LNX1: variants seen among roughly 807,000 people sequenced by gnomAD.
The protein encoded by LNX1 is E3 ubiquitin-protein ligase LNX.
A neutral mutation model predicts 68.4 loss-of-function variants in LNX1; 54 were observed. That is an observed-to-expected ratio of 0.79 (90% CI 0.63 to 0.99). The LOEUF (loss-of-function observed/expected upper bound fraction) is 0.99. LNX1 is among the 50% of genes least tolerant of loss of function. The pLI, the probability that LNX1 is intolerant of heterozygous loss-of-function variation, is 0.00. For synonymous variants in LNX1, 336 were observed against 350.0 expected, an observed-to-expected ratio of 0.96 and a Z score of 0.45; for missense variants, 906 against 926.4, an observed-to-expected ratio of 0.98 and a Z score of 0.29.
chr4:53,555,504 C>G (rs916895522), intron 2 of LNX1, among the ~76,000 whole-genome samples: 3 of 152,188 alleles, frequency 2.0e-5, no homozygotes, highest in African/African-American at 7.2e-5. Context: ...TTATTTCCAT[C>G]TGCCTTGAAT....
intron 1 of LNX1, among the ~76,000 whole-genome samples, chr4:53,583,914 A>C (rs560479637): frequency 1.3e-5 from 2 of 149,862 alleles, no homozygotes; most frequent in African/African-American, 2.5e-5. Context: ...ACATGATGAA[A>C]TAGAACTGAC....
intron 2 of LNX1, chr4:53,557,847 A>T (rs1385661288): frequency 5.0e-6 from 8 of 1,612,636 alleles, no homozygotes; most frequent in Non-Finnish European, 1.7e-6. Flanking sequence ...ACATAAACAC[A>T]CAGGCACGGA....
chr4:53,598,140 C>T (rs1732838349), intron 2 of LNX1, among the ~76,000 whole-genome samples: 1 of 152,170 alleles, frequency 6.6e-6, no homozygotes, highest in African/African-American at 2.4e-5. Context: ...GATACCATCT[C>T]CTTTATAGGA....
chr4:53,629,393 GACTTGCAGTGCTAAGAGCTC>G (rs1364106331), intron 1 of LNX1, among the ~76,000 whole-genome samples: 1 of 152,108 alleles, frequency 6.6e-6, no homozygotes, highest in Non-Finnish European at 1.5e-5. Flanking sequence ...CAAAGAGGCA[GACTTGCAGTGCTAAGAGCTC>G]ACCCTGGATC....
intron 2 of LNX1, among the ~76,000 whole-genome samples, chr4:53,600,783 T>C (rs1337187714): frequency 6.6e-6 from 1 of 151,112 alleles, no homozygotes; most frequent in Non-Finnish European, 1.5e-5. Flanking sequence ...AAGGCTGGAG[T>C]GCAGTGGTGC....
At chr4:53,466,156 G>GA (rs11285844) in intron 9 of LNX1, among the ~76,000 whole-genome samples, 2 of 151,556 alleles carry the variant, frequency 1.3e-5, no homozygotes, top group African/African-American at 4.9e-5. Context: ...TTTGTTTTAA[G>GA]AAAAAAAAAA....
upstream of LNX1, among the ~76,000 whole-genome samples, chr4:53,621,279 C>T (rs531583238): frequency 2.1e-4 from 32 of 152,286 alleles, no homozygotes; most frequent in African/African-American, 7.7e-4. Flanking sequence ...CTGTGCAGTG[C>T]CCTCTGCCTG....
At chr4:53,539,657 A>C (rs10212730) in intron 2 of LNX1, among the ~76,000 whole-genome samples, 69,611 of 152,186 alleles carry the variant, frequency 0.46, 17,457 homozygotes, top group Non-Finnish European at 0.56. Flanking sequence ...CAGTTGCAGA[A>C]AATGTTTTTG....
In LNX1 at chr4:53,476,632, C is replaced by A. The variant is rs1473046494; in HGVS notation, c.1892+121G>T. 7.1e-6 allele frequency: 6 copies of A among 844,388 alleles called. No individual in the cohort carries two copies. In the East Asian group the frequency reaches 1.5e-4, roughly 22 times the overall value. 52.3% of individuals were successfully genotyped at this position (844,388 alleles called of 1,614,324 possible). On this transcript the variant is annotated intron_variant, in intron 9 of 10. Transcript: ENST00000263925. Reference sequence around the variant, plus strand: ...AGAGAATTATTTCACAGTCCCACAACCAAGACTGGGTCTAATTAAGATGCT... The same window carrying A: ...AGAGAATTATTTCACAGTCCCACAAACAAGACTGGGTCTAATTAAGATGCT...
chr4:53,525,823 G>A (rs1170454978), intron 2 of LNX1, among the ~76,000 whole-genome samples: 3 of 152,204 alleles, frequency 2.0e-5, no homozygotes, highest in Non-Finnish European at 4.4e-5. Context: ...GGAAAGGGCT[G>A]TGTTGGGGTT....
At position 53,491,471 on chromosome 4, in the gene LNX1, G is replaced by C. The variant is rs116797242; in HGVS notation, c.1350+4552C>G. Among the ~76,000 whole-genome samples, 813 of 152,228 alleles carry C rather than the reference G, an allele frequency of 5.3e-3. 5 individuals are homozygous for C. The highest frequency in any genetic ancestry group is 0.019 in the African/African-American group (787 of 41,530). On this transcript the variant is annotated intron_variant, in intron 6 of 10. Transcript: ENST00000263925. The stretch of plus-strand genomic sequence containing the variant: ...AGGAATACATTCCAAGCTCTACCAG[G>C]CCAGGAACTGTACCAACCTAGTTCA...
At position 53,643,445 on chromosome 4, in the gene LNX1, G is replaced by A. The variant is rs79475771; in HGVS notation, c.-215+8723C>T. On this transcript the variant is annotated intron_variant, in intron 1 of 2. Coordinates refer to the LNX1 transcript ENST00000507168. ...GATTACAGGGCTGAGACACCATCCC[G>A]GTCAAGAAACCTTGGTCTTTATGAT... Among the ~76,000 whole-genome samples, 1,051 of 151,982 alleles carry A rather than the reference G, an allele frequency of 6.9e-3. 13 individuals are homozygous for A. The highest frequency in any genetic ancestry group is 0.024 in the African/African-American group (1,000 of 41,454).
intron 1 of LNX1, among the ~76,000 whole-genome samples, chr4:53,574,319 C>T (rs1311971534): frequency 6.6e-6 from 1 of 152,210 alleles, no homozygotes; most frequent in African/African-American, 2.4e-5. Flanking sequence ...CCTTTCACAT[C>T]CTCACATTGG....
intron 9 of LNX1, among the ~76,000 whole-genome samples, chr4:53,472,795 G>A (rs1268061928): frequency 1.7e-5 from 2 of 116,748 alleles, no homozygotes; most frequent in African/African-American, 5.9e-5. Context: ...AGGCCAAGCA[G>A]GGGGAAGGCT....
rs1422431248 is a variant in LNX1, at chr4:53,573,654, G to A, written c.349C>T (p.Arg117Cys). The stretch of plus-strand genomic sequence containing the variant: ...TGAAAGTGATGCTCGAGGTCACAGC[G>A]CTGCAACACCTGGGTGCAGTGCTCC... ...FREHCTQVLQ[R>C]CDLEHHFQTS... Residue 117 changes from arginine to cysteine, a missense_variant, in exon 2 of 11, where the codon CGC (arginine) becomes TGC (cysteine). Coordinates refer to ENST00000263925, the MANE Select transcript of LNX1 (RefSeq NM_001126328.3). 5.0e-6 allele frequency: 8 copies of A among 1,605,484 alleles called. No homozygotes were observed. The highest frequency in any genetic ancestry group is 4.5e-5 in the South Asian group (4 of 89,114).
Position 53,478,713 on chromosome 4 carries a change from C to T in LNX1, c.1515G>A (p.Glu505=). The part of the protein sequence containing the change: ...KPLHPTITCH[E]KVVNIQKDPG... ...GGTCTTTTTGGATATTTACCACCTTCTCATGACAAGTAATTGTAGGATGGA... is the reference window on the plus strand; with the variant it reads ...GGTCTTTTTGGATATTTACCACCTTTTCATGACAAGTAATTGTAGGATGGA... Residue 505 remains glutamate (E), a synonymous_variant, in exon 8 of 11, where the codon GAG becomes GAA. Coordinates refer to ENST00000263925, the MANE Select transcript of LNX1 (RefSeq NM_001126328.3). The T allele has an allele frequency of 1.9e-6, 3 of 1,614,060 alleles. No individual in the cohort carries two copies.
At chr4:53,605,192 T>A (rs1733179328) in intron 2 of LNX1, among the ~76,000 whole-genome samples, 1 of 152,160 alleles carries the variant, frequency 6.6e-6, no homozygotes, top group African/African-American at 2.4e-5. Flanking sequence ...AAAGTCACAT[T>A]GAAGAGCATG....
chr4:53,555,056 C>A (rs908017069), intron 2 of LNX1, among the ~76,000 whole-genome samples: 1 of 152,086 alleles, frequency 6.6e-6, no homozygotes, highest in Non-Finnish European at 1.5e-5. Flanking sequence ...GAATACAGGG[C>A]AAGCTTCCCC....
intron 1 of LNX1, among the ~76,000 whole-genome samples, chr4:53,589,175 G>C (rs1217063472): frequency 6.6e-6 from 1 of 152,190 alleles, no homozygotes; most frequent in Non-Finnish European, 1.5e-5. Flanking sequence ...CCCCCGAAAG[G>C]CCCATGGAGA....
Sources: gnomAD v4.1 joint callset for allele counts (sites outside exome capture counted in the v4.1 genomes callset) on GRCh38, gnomAD v4.1.1 for gene constraint, MANE v1.5 for transcripts, NCBI Gene and HGNC (gene_info 2026-07-23, HGNC 2026-07-21) for gene names.